Variants in MLPH observed in about 807,000 individuals in gnomAD.
MLPH encodes the protein melanophilin.
In MLPH, 51 loss-of-function variants were observed where a neutral mutation model predicts 72.1. The ratio of observed to expected loss-of-function variants is 0.71; its 90% CI spans 0.56 to 0.89. The LOEUF is 0.89. MLPH is among the 40% of genes least tolerant of loss of function. The pLI, the probability that MLPH is intolerant of heterozygous loss-of-function variation, is 0.00. For missense variants in MLPH, 743 were observed against 759.9 expected (o/e 0.98, Z 0.26); for synonymous variants, 301 against 310.1 (o/e 0.97, Z 0.31).
intron 6 of MLPH, among the ~76,000 whole-genome samples, chr2:237,524,201 G>A (rs901702925): frequency 1.1e-4 from 17 of 151,646 alleles, no homozygotes; most frequent in African/African-American, 3.9e-4. Context: ...GGCTAGTAAG[G>A]TGTCGGTTAC....
At position 237,555,038 on chromosome 2, in the gene MLPH, G is replaced by T. The variant is rs925009577; in HGVS notation, c.*1446G>T. 3.3e-5 allele frequency: 5 copies of T among 152,218 alleles called. No homozygotes were observed. The highest frequency in any genetic ancestry group is 1.2e-4 in the African/African-American group (5 of 41,442). 9.4% of individuals were successfully genotyped at this position (152,218 alleles called of 1,614,324 possible). Reference sequence around the variant, plus strand: ...AATCCCAGCCCTTTGAGAGGCCAAGGTGGGAGAATTGCTTGAGGCCAGGAG... The same window carrying T: ...AATCCCAGCCCTTTGAGAGGCCAAGTTGGGAGAATTGCTTGAGGCCAGGAG... On this transcript the variant is annotated 3_prime_UTR_variant, in exon 16 of 16. Transcript: ENST00000264605.
At chr2:237,513,491 C>G (rs527985713) in intron 4 of MLPH, among the ~76,000 whole-genome samples, 2 of 152,182 alleles carry the variant, frequency 1.3e-5, no homozygotes, top group Non-Finnish European at 2.9e-5. Flanking sequence ...TTTGTTTTCT[C>G]CTATCAAGAG....
At chr2:237,552,297 G>T in intron 14 of MLPH, 40 bp from the exon 15 acceptor site, 1 of 1,580,896 alleles carries the variant, frequency 6.3e-7, no homozygotes, top group Non-Finnish European at 8.7e-7. Context: ...CTAAGTATGT[G>T]ATTGATAAAG....
chr2:237,507,840 C>T (rs963274709), intron 2 of MLPH, among the ~76,000 whole-genome samples: 1 of 152,162 alleles, frequency 6.6e-6, no homozygotes, highest in Non-Finnish European at 1.5e-5. Flanking sequence ...GTACCCAAGT[C>T]GAAACAGTTC....
rs1397086138 is a variant in MLPH at position 237,510,972 on chromosome 2, T to G, written c.333-17T>G. The G allele has an allele frequency of 4.4e-6, 7 of 1,606,986 alleles. No homozygotes were observed. Among genetic ancestry groups the G allele is most frequent in the Non-Finnish European group, 6.0e-6 (7 of 1,173,834 alleles). ...CAGCACTCAGGCAGTGCCATGAGCCTGTGCTTGTCCCTGCAGAGTCGTGAA... is the reference window on the plus strand; with the variant it reads ...CAGCACTCAGGCAGTGCCATGAGCCGGTGCTTGTCCCTGCAGAGTCGTGAA... On this transcript the variant is annotated splice_polypyrimidine_tract_variant and intron_variant, in intron 3 of 15. Coordinates refer to ENST00000264605, the MANE Select transcript of MLPH (RefSeq NM_024101.7). This position sits in a 1 kb window ranked among gnomAD's most constrained non-coding sequence, Gnocchi z 4.4.
chr2:237,553,506 CTG>C (rs1241707100), intron 15 of MLPH, 58 bp from the exon 16 acceptor site: 197 of 1,512,606 alleles, frequency 1.3e-4, no homozygotes, highest in Non-Finnish European at 1.7e-4. Context: ...CCATGTGTGT[CTG>C]TGTTACATGC....
intron 2 of MLPH, among the ~76,000 whole-genome samples, chr2:237,495,130 C>T (rs1458085717): frequency 2.0e-5 from 3 of 152,214 alleles, no homozygotes; most frequent in Admixed American, 2.0e-4. Flanking sequence ...GCCACTGCCT[C>T]TCTCTCACCC....
chr2:237,503,560 A>T (rs1429577775), intron 2 of MLPH, among the ~76,000 whole-genome samples: 1 of 151,990 alleles, frequency 6.6e-6, no homozygotes, highest in African/African-American at 2.4e-5. Flanking sequence ...CGTGAGGTTT[A>T]CTTTGGTTGC....
chr2:237,533,741 G>A (rs750782790), intron 8 of MLPH, among the ~76,000 whole-genome samples: 13 of 152,244 alleles, frequency 8.5e-5, no homozygotes, highest in African/African-American at 3.1e-4. Context: ...CGGGACCAGA[G>A]GGTGACTCAG....
At position 237,533,390 on chromosome 2, in the gene MLPH, C is replaced by CA. The variant is rs1553600847; in HGVS notation, c.1021-1174_1021-1173insA. ...GGAAGTCTCTTCTCTATTTTCTTTT[C>CA]TTTTTTTTTTTTTTTTTTTTTTGTC... On this transcript the variant is annotated intron_variant, in intron 8 of 15. Coordinates refer to ENST00000264605, the MANE Select transcript of MLPH (RefSeq NM_024101.7). 2.0e-3 allele frequency among the ~76,000 whole-genome samples: 221 copies of CA among 108,004 alleles called. 1 individual carries two copies. Among genetic ancestry groups the CA allele is most frequent in the African/African-American group, 7.4e-3 (197 of 26,572 alleles). 70.9% of individuals were successfully genotyped at this position (108,004 alleles called of 152,430 possible). A position where few individuals can be genotyped will look rare whatever the true frequency, so the allele number is the denominator to read the frequency against.
At chr2:237,502,159 A>C (rs1231329141) in intron 2 of MLPH, among the ~76,000 whole-genome samples, 1 of 152,224 alleles carries the variant, frequency 6.6e-6, no homozygotes, top group Admixed American at 6.5e-5. Flanking sequence ...GAGTGCTCTC[A>C]TCTTGAGTGT....
rs1307962056 is a variant in MLPH, at chr2:237,549,293, C to T, written c.1675+15C>T. 6.2e-7 allele frequency: 1 copy of T among 1,612,288 alleles called. No individual in the cohort carries two copies. Among genetic ancestry groups the T allele is most frequent in the African/African-American group, 1.3e-5 (1 of 74,988 alleles). ...GAAAAGTCAAGGTAAGAGCCCTCTG[C>T]TCCCCCACCCCCATGGGCCTGGGAA... On this transcript the variant is annotated intron_variant, in intron 14 of 15. Coordinates refer to ENST00000264605, the MANE Select transcript of MLPH (RefSeq NM_024101.7).
rs148287699 is a variant in MLPH, at chr2:237,509,812, T to C, written c.111-762T>C. Reference sequence around the variant, plus strand: ...CTCTTCACCTTTGCTGCACTCTGGGTGTCCGCCTCCAAATCAGTGTGCTTC... The same window carrying C: ...CTCTTCACCTTTGCTGCACTCTGGGCGTCCGCCTCCAAATCAGTGTGCTTC... On this transcript the variant is annotated intron_variant, in intron 2 of 15. Transcript: ENST00000264605. Among the ~76,000 whole-genome samples the C allele has an allele frequency of 5.3e-4, 80 of 152,316 alleles. 1 individual carries two copies. The East Asian group carries it at 0.014, about 27-fold the overall frequency.
In MLPH at chr2:237,517,470, G is replaced by A. The variant is rs149699083; in HGVS notation, c.446-1069G>A. ...GGATGCATGGATGGATGGATGGATA[G>A]ATAGATAAGTGGATGGGTGGATAGA... is the stretch of plus-strand genomic sequence containing the variant. On this transcript the variant is annotated intron_variant, in intron 4 of 15. Transcript: ENST00000264605. Among the ~76,000 whole-genome samples, 491 of 151,436 alleles carry A rather than the reference G, an allele frequency of 3.2e-3. 7 individuals carry two copies. Among genetic ancestry groups the A allele is most frequent in the African/African-American group, 0.011 (469 of 41,232 alleles).
rs1043798594 is a variant in MLPH, at chr2:237,505,483, C to A, written c.111-5091C>A. On this transcript the variant is annotated intron_variant, in intron 2 of 15. Transcript: ENST00000264605. This position sits in a 1 kb window ranked among gnomAD's most constrained non-coding sequence, Gnocchi z 4.5. The stretch of plus-strand genomic sequence containing the variant: ...GGACCCCTCATGCAGGCTCTTCCCC[C>A]GCCTGTGTGCTGGACCTTGGGGATG... Among the ~76,000 whole-genome samples the A allele has an allele frequency of 1.3e-5, 2 of 152,198 alleles. No homozygotes were observed. The highest frequency in any genetic ancestry group is 2.9e-5 in the Non-Finnish European group (2 of 68,030).
chr2:237,527,781 TA>T, intron 8 of MLPH: 2 of 504,236 alleles, frequency 4.0e-6, no homozygotes. Flanking sequence ...CTTCTTGGTA[TA>T]CACCCCAAAA....
chr2:237,516,226 G>C (rs1007647638), intron 4 of MLPH, among the ~76,000 whole-genome samples: 1 of 152,236 alleles, frequency 6.6e-6, no homozygotes, highest in Admixed American at 6.5e-5. Flanking sequence ...GATGGTCCAC[G>C]GGGCCTGCTG....
chr2:237,536,136 T>G (rs1226237373), intron 9 of MLPH, among the ~76,000 whole-genome samples: 1 of 152,154 alleles, frequency 6.6e-6, no homozygotes, highest in Non-Finnish European at 1.5e-5. Context: ...GAGAAACAGA[T>G]CTGGGTGAAG....
At chr2:237,509,242 A>G (rs1011830907) in intron 2 of MLPH, among the ~76,000 whole-genome samples, 3 of 152,228 alleles carry the variant, frequency 2.0e-5, no homozygotes, top group Non-Finnish European at 2.9e-5. Flanking sequence ...TCTGAAATAT[A>G]TCAGCCTCCA....
Sources: gnomAD v4.1 joint callset for allele counts (sites outside exome capture counted in the v4.1 genomes callset) on GRCh38, gnomAD v4.1.1 for gene constraint, Gnocchi (gnomAD v3.1) non-coding constraint, MANE v1.5 for transcripts, NCBI Gene and HGNC (gene_info 2026-07-23, HGNC 2026-07-21) for gene names.